MACROD1: variants seen among roughly 807,000 people sequenced by gnomAD.
The protein encoded by MACROD1 is mono-ADP ribosylhydrolase 1, also known as ADP-ribose glycohydrolase MACROD1.
Under a neutral mutation model 41.4 loss-of-function variants are expected in MACROD1, and 31 were observed. The ratio of observed to expected loss-of-function variants is 0.75; its 90% CI spans 0.56 to 1.01. The LOEUF (loss-of-function observed/expected upper bound fraction) is 1.01. MACROD1 is among the 50% of genes least tolerant of loss of function. MACROD1 has a pLI of 0.00. For synonymous variants in MACROD1, 252 were observed against 203.4 expected (o/e 1.24, Z -2.03); for missense variants, 473 against 460.0 (o/e 1.03, Z -0.26).
At chr11:64,070,853 G>A (rs931315455) in intron 3 of MACROD1, among the ~76,000 whole-genome samples, 1 of 152,184 alleles carries the variant, frequency 6.6e-6, no homozygotes, top group East Asian at 1.9e-4. Context: ...AGAGGGGAGA[G>A]GAGGAAGGAG....
intron 3 of MACROD1, among the ~76,000 whole-genome samples, chr11:64,078,256 G>C (rs1944239954): frequency 6.6e-6 from 1 of 152,148 alleles, no homozygotes; most frequent in South Asian, 2.1e-4. Flanking sequence ...GGGCAGGTGT[G>C]CTCTCAGCAC....
intron 2 of MACROD1, 126 bp from the exon 3 acceptor site, chr11:64,151,481 G>C: frequency 1.5e-6 from 1 of 674,634 alleles, no homozygotes; most frequent in Non-Finnish European, 2.6e-6. Flanking sequence ...CCTGCAGCAC[G>C]ATGACTGCTG....
intron 5 of MACROD1, 169 bp downstream of exon 5, chr11:64,000,058 A>C (rs1942793598): frequency 4.7e-6 from 3 of 641,536 alleles, no homozygotes; most frequent in African/African-American, 1.8e-5. Context: ...GGTCTCCCCC[A>C]TGTGCTTCCT....
chr11:64,011,490 G>C (rs1393840746), intron 4 of MACROD1, among the ~76,000 whole-genome samples: 3 of 151,926 alleles, frequency 2.0e-5, no homozygotes, highest in Non-Finnish European at 4.4e-5. Flanking sequence ...AGGGCACACA[G>C]AGGGTGCCAC....
intron 3 of MACROD1, chr11:64,148,921 C>T (rs188156551): frequency 1.0e-6 from 1 of 985,436 alleles, no homozygotes; most frequent in Non-Finnish European, 1.2e-6. Flanking sequence ...TTCCACAAAG[C>T]CCTGGACGGC....
intron 3 of MACROD1, among the ~76,000 whole-genome samples, chr11:64,135,726 C>G (rs922898940): frequency 6.6e-6 from 1 of 152,200 alleles, no homozygotes; most frequent in Non-Finnish European, 1.5e-5. Flanking sequence ...CAGCCTTCCC[C>G]GCGCCAGGTG....
intron 3 of MACROD1, among the ~76,000 whole-genome samples, chr11:64,024,048 C>T (rs898710185): frequency 2.0e-5 from 3 of 152,140 alleles, no homozygotes; most frequent in African/African-American, 7.2e-5. Context: ...TCCCCCTCAA[C>T]ACCCCCTCTC....
chr11:64,053,691 T>G (rs868423043), intron 3 of MACROD1, among the ~76,000 whole-genome samples: 1 of 152,148 alleles, frequency 6.6e-6, no homozygotes, highest in Non-Finnish European at 1.5e-5. Flanking sequence ...GGGAAGGGGC[T>G]TAAGGGGCCT....
At chr11:64,153,775 CT>C (rs1253952634) in intron 1 of MACROD1, among the ~76,000 whole-genome samples, 4 of 152,186 alleles carry the variant, frequency 2.6e-5, no homozygotes, top group Non-Finnish European at 5.9e-5. Flanking sequence ...CTTCTGCCCC[CT>C]CTTCCATAAA....
At chr11:64,099,553 G>A (rs1388450141) in intron 3 of MACROD1, among the ~76,000 whole-genome samples, 1 of 152,188 alleles carries the variant, frequency 6.6e-6, no homozygotes, top group South Asian at 2.1e-4. Context: ...TGGAGAGATG[G>A]ATGGATGGAT....
chr11:64,080,677 T>TCAACTGAGGTTGAGACA (rs1249549722), intron 3 of MACROD1, among the ~76,000 whole-genome samples: 1 of 152,026 alleles, frequency 6.6e-6, no homozygotes, highest in East Asian at 1.9e-4. Context: ...TACACAGACC[T>TCAACTGAGGTTGAGACA]CAACTACTGA....
chr11:64,066,835 T>C (rs1473611046), intron 3 of MACROD1, among the ~76,000 whole-genome samples: 1 of 152,166 alleles, frequency 6.6e-6, no homozygotes, highest in East Asian at 1.9e-4. Flanking sequence ...AACTTGAGGC[T>C]CAGACTGTGA....
chr11:64,150,166 G>C (rs1386270031), intron 3 of MACROD1, among the ~76,000 whole-genome samples: 1 of 152,236 alleles, frequency 6.6e-6, no homozygotes, highest in African/African-American at 2.4e-5. Flanking sequence ...AGACCCCACG[G>C]ACCAGGCCCG....
chr11:64,157,610 C>T (rs888422162), intron 1 of MACROD1, among the ~76,000 whole-genome samples: 16 of 152,198 alleles, frequency 1.1e-4, no homozygotes, highest in African/African-American at 2.4e-4. Flanking sequence ...TGACCCCAGA[C>T]GAAGCTTCCA....
intron 2 of MACROD1, 103 bp downstream of exon 2, chr11:64,152,189 G>A (rs1474415415): frequency 4.7e-6 from 4 of 853,654 alleles, no homozygotes; most frequent in Middle Eastern, 2.2e-4. Flanking sequence ...CCTGCAGCAA[G>A]CACTCGATAC....
intron 3 of MACROD1, among the ~76,000 whole-genome samples, chr11:64,137,258 G>T (rs1359005618): frequency 2.0e-5 from 3 of 152,192 alleles, no homozygotes; most frequent in Non-Finnish European, 4.4e-5. Context: ...AGTCGACAGT[G>T]ACAAATAGGA....
intron 3 of MACROD1, among the ~76,000 whole-genome samples, chr11:64,044,169 T>G (rs1472608018): frequency 2.0e-5 from 3 of 151,828 alleles, no homozygotes; most frequent in African/African-American, 4.8e-5. Context: ...CTACAACACA[T>G]GAGAGTAATC....
At chr11:64,133,345 G>A (rs916702158) in intron 3 of MACROD1, among the ~76,000 whole-genome samples, 4 of 152,222 alleles carry the variant, frequency 2.6e-5, no homozygotes. Flanking sequence ...CAAAAGATGG[G>A]GGACAGGGAC....
chr11:64,015,753 C>T (rs889717060), intron 3 of MACROD1, among the ~76,000 whole-genome samples: 8 of 151,850 alleles, frequency 5.3e-5, no homozygotes, highest in African/African-American at 9.7e-5. Context: ...CCTTTGCAAC[C>T]GGGCTAAGCG....
Sources: allele counts gnomAD v4.1 joint callset (sites outside exome capture counted in the v4.1 genomes callset), GRCh38; gene constraint gnomAD v4.1.1; transcripts MANE v1.5; gene names NCBI Gene and HGNC (gene_info 2026-07-23, HGNC 2026-07-21).